The following RNF111 variants were observed in gnomAD, a reference collection of about 807,000 sequenced individuals.
RNF111 encodes ring finger protein 111.
RNF111 carries 17 observed loss-of-function variants against 95.1 expected under a neutral mutation model. The ratio of observed to expected loss-of-function variants is 0.18; its 90% CI spans 0.12 to 0.27. The LOEUF (loss-of-function observed/expected upper bound fraction) is 0.27, where lower values mean the gene tolerates loss of function less well. Ranked by LOEUF, RNF111 falls within the 10% of genes least tolerant of loss-of-function variation. The pLI, the probability that RNF111 is intolerant of heterozygous loss-of-function variation, is 1.00. For synonymous variants in RNF111, 440 were observed against 414.8 expected (o/e 1.06, Z -0.74); for missense variants, 1,189 against 1,210.4 (o/e 0.98, Z 0.26).
At position 59,076,026 on chromosome 15, in the gene RNF111, G is replaced by C. The variant is rs143052199; in HGVS notation, c.1759G>C (p.Ala587Pro). 4.1e-4 allele frequency: 661 copies of C among 1,614,074 alleles called. 2 individuals are homozygous for C. Among genetic ancestry groups the C allele is most frequent in the Non-Finnish European group, 5.4e-4 (642 of 1,180,042 alleles). The change falls in exon 7 of 14, where the codon GCA (alanine) becomes CCA (proline). Residue 587 changes from alanine (A) to proline (P), a missense_variant. Transcript: ENST00000348370. ...AAGTGGCAGTTTTCATGGAGCATCT[G>C]CATTTGACCCCTGCTGCCCTGTTTC... The part of the protein sequence containing the change: ...HGSGSFHGAS[A>P]FDPCCPVSSS...
intron 11 of RNF111, among the ~76,000 whole-genome samples, chr15:59,090,013 A>G (rs1436946768): frequency 2.6e-5 from 4 of 152,228 alleles, no homozygotes; most frequent in African/African-American, 9.6e-5. Flanking sequence ...TATTAAATCA[A>G]TATAAATGTC....
intron 1 of RNF111, among the ~76,000 whole-genome samples, chr15:59,017,669 G>A (rs1567214225): frequency 6.6e-6 from 1 of 151,152 alleles, no homozygotes; most frequent in African/African-American, 2.4e-5. Flanking sequence ...AGCTTTGAAA[G>A]TTGACAGATT....
chr15:58,996,969 C>A (rs1191741425), intron 1 of RNF111, among the ~76,000 whole-genome samples: 2 of 151,952 alleles, frequency 1.3e-5, no homozygotes, highest in African/African-American at 4.8e-5. Context: ...GTAGTCTATA[C>A]CTTTATATTT....
In RNF111 at chr15:59,055,798, T is replaced by C; in HGVS notation, c.1124T>C (p.Leu375Ser). The change falls in exon 4 of 14, where the codon TTG becomes TCG. Residue 375 changes from leucine (L) to serine (S), a missense_variant. Physicochemically the swap from Leu to Ser is moderately radical, Grantham distance 145 (BLOSUM62 -2). This residue lies in a region of RNF111 where 1,024 missense variants were observed against 925.9 expected (regional missense o/e 1.11). Transcript: ENST00000348370. ...RSRISTVIQPLRQNAAEVVDL... is the reference protein window; with the variant it reads ...RSRISTVIQPSRQNAAEVVDL... ...AGGATTTCTACTGTTATACAGCCCTTGAGGCAGAATGCAGCAGAAGTTGTG... is the reference window on the plus strand; with the variant it reads ...AGGATTTCTACTGTTATACAGCCCTCGAGGCAGAATGCAGCAGAAGTTGTG... The C allele has an allele frequency of 5.0e-6, 8 of 1,613,982 alleles. No homozygotes were observed. Among genetic ancestry groups the C allele is most frequent in the Non-Finnish European group, 6.8e-6 (8 of 1,179,948 alleles).
chr15:59,014,200 T>C (rs1159346573), intron 1 of RNF111, among the ~76,000 whole-genome samples: 1 of 152,238 alleles, frequency 6.6e-6, no homozygotes, highest in Non-Finnish European at 1.5e-5. Flanking sequence ...AGTGTCCTGT[T>C]TGACATGCCC....
rs1262826481 is a variant in RNF111 at position 59,097,384 on chromosome 15, C to T, written c.*2484C>T. 5 of 151,700 alleles carry T rather than the reference C, an allele frequency of 3.3e-5. No homozygotes were observed. The highest frequency in any genetic ancestry group is 4.8e-5 in the African/African-American group (2 of 41,266). The allele number at this position is 151,700 out of a possible 1,614,324, so 9.4% of individuals were successfully genotyped here. A position where few individuals can be genotyped will look rare whatever the true frequency, so the allele number is the denominator to read the frequency against. Reference sequence around the variant, plus strand: ...TGCTAGCACACTTCAGCATTTGAACCATAACAGTTGTGATAAACTGATCGT... The same window carrying T: ...TGCTAGCACACTTCAGCATTTGAACTATAACAGTTGTGATAAACTGATCGT... On this transcript the variant is annotated 3_prime_UTR_variant, in exon 14 of 14. Transcript: ENST00000348370.
chr15:59,036,068 A>G (rs1220049667), intron 2 of RNF111, among the ~76,000 whole-genome samples: 4 of 151,916 alleles, frequency 2.6e-5, no homozygotes, highest in African/African-American at 9.7e-5. Context: ...AATTTATTCT[A>G]TTTTTATTTA....
intron 2 of RNF111, among the ~76,000 whole-genome samples, chr15:59,033,783 T>A (rs1312895731): frequency 6.6e-6 from 1 of 152,222 alleles, no homozygotes; most frequent in Non-Finnish European, 1.5e-5. Flanking sequence ...GTGTGTGTTT[T>A]TTTTCATTGC....
At chr15:59,050,048 C>A (rs1182894814) in intron 2 of RNF111, among the ~76,000 whole-genome samples, 1 of 150,268 alleles carries the variant, frequency 6.7e-6, no homozygotes, top group African/African-American at 2.4e-5. Flanking sequence ...CCCACAGTAG[C>A]CATTTTCTTT....
In RNF111 at chr15:59,025,804, C is replaced by T. The variant is rs1220417082; in HGVS notation, c.-19-5000C>T. On this transcript the variant is annotated intron_variant, in intron 1 of 13. Transcript: ENST00000348370. Reference sequence around the variant, plus strand: ...GGAGTGCAATGGCGCGATCTCGGCTCACCGCAACCGCTGCCTTGCGGATTC... The same window carrying T: ...GGAGTGCAATGGCGCGATCTCGGCTTACCGCAACCGCTGCCTTGCGGATTC... 2.6e-5 allele frequency among the ~76,000 whole-genome samples: 4 copies of T among 151,882 alleles called. No individual in the cohort carries two copies. The East Asian group carries it at 7.7e-4, about 29-fold the overall frequency.
intron 6 of RNF111, among the ~76,000 whole-genome samples, chr15:59,068,082 G>A (rs971426405): frequency 9.2e-5 from 14 of 152,110 alleles, no homozygotes; most frequent in Non-Finnish European, 1.6e-4. Context: ...TTCCATGTAC[G>A]ATTATGATAT....
chr15:59,034,354 C>G (rs538476504), intron 2 of RNF111, among the ~76,000 whole-genome samples: 4 of 152,184 alleles, frequency 2.6e-5, no homozygotes, highest in African/African-American at 7.2e-5. Flanking sequence ...ATGTTGTTGG[C>G]TGTTGTTACC....
At chr15:58,997,640 A>G (rs1181611272) in intron 1 of RNF111, among the ~76,000 whole-genome samples, 2 of 151,760 alleles carry the variant, frequency 1.3e-5, no homozygotes, top group African/African-American at 2.4e-5. Flanking sequence ...AACATGGGGA[A>G]ACTCCATCTC....
rs1471724779 is a variant in RNF111, at chr15:59,024,541, C to T, written c.-19-6263C>T. Among the ~76,000 whole-genome samples, 4 of 152,140 alleles carry T rather than the reference C, an allele frequency of 2.6e-5. No individual in the cohort carries two copies. The East Asian group carries it at 7.7e-4, about 29-fold the overall frequency. On this transcript the variant is annotated intron_variant, in intron 1 of 13. Transcript: ENST00000348370. ...GTGATTTTTTAAAGTGTGTTTTAGTCCAGATTCTCTGAGAAGCAGATGCCA... is the reference window on the plus strand; with the variant it reads ...GTGATTTTTTAAAGTGTGTTTTAGTTCAGATTCTCTGAGAAGCAGATGCCA...
At chr15:59,094,319 C>G (rs1255268138) in intron 13 of RNF111, among the ~76,000 whole-genome samples, 1 of 152,050 alleles carries the variant, frequency 6.6e-6, no homozygotes, top group Non-Finnish European at 1.5e-5. Context: ...AGTGTAGTTA[C>G]TATATATTTG....
chr15:59,037,785 G>A (rs535068678), intron 2 of RNF111, among the ~76,000 whole-genome samples: 12 of 152,194 alleles, frequency 7.9e-5, no homozygotes, highest in Admixed American at 5.2e-4. Context: ...GCTGTGAGCC[G>A]AGATCACGCC....
chr15:58,992,554 A>G (rs2038865633), intron 1 of RNF111, among the ~76,000 whole-genome samples: 1 of 152,224 alleles, frequency 6.6e-6, no homozygotes, highest in Admixed American at 6.5e-5. Flanking sequence ...CCAGTGGCTC[A>G]TGCCTGTAAT....
intron 2 of RNF111, among the ~76,000 whole-genome samples, chr15:59,044,523 A>G (rs1354720127): frequency 6.6e-6 from 1 of 152,126 alleles, no homozygotes; most frequent in African/African-American, 2.4e-5. Flanking sequence ...TTTTGTTATC[A>G]TTGTTGTACT....
At chr15:59,091,181 G>A (rs2140243592) in intron 12 of RNF111, 27 bp downstream of exon 12, 1 of 1,340,482 alleles carries the variant, frequency 7.5e-7, no homozygotes, top group South Asian at 1.2e-5. Context: ...TGAAACTTCT[G>A]GAGTGTTACT....
Sources: allele counts gnomAD v4.1 joint callset (sites outside exome capture counted in the v4.1 genomes callset), GRCh38; gene constraint gnomAD v4.1.1; regional missense constraint gnomAD v4.1.1; transcripts MANE v1.5; gene names NCBI Gene and HGNC (gene_info 2026-07-23, HGNC 2026-07-21).